Variants in ACSS2 observed in about 807,000 individuals in gnomAD.
ACSS2 encodes the protein acetyl-coenzyme A synthetase, cytoplasmic.
Under a neutral mutation model 90.6 loss-of-function variants are expected in ACSS2, and 58 were observed. The ratio of observed to expected loss-of-function variants is 0.64; its 90% confidence interval spans 0.52 to 0.80. ACSS2 has a LOEUF of 0.80. Among genes scored for constraint, ACSS2 ranks in the 30% least tolerant of loss-of-function variants. The probability of loss-of-function intolerance (pLI) is 0.00; values close to 1 mark genes in which losing one functional copy is unlikely to be tolerated. For synonymous variants in ACSS2, 300 were observed against 330.9 expected (o/e 0.91, Z 1.01); for missense variants, 759 against 912.0 (o/e 0.83, Z 2.16).
chr20:34,885,377 G>A (rs2080166872), intron 2 of ACSS2, among the ~76,000 whole-genome samples: 1 of 152,118 alleles, frequency 6.6e-6, no homozygotes, highest in African/African-American at 2.4e-5. Context: ...AGAATCCTGA[G>A]GCCCTTTCTT....
At chr20:34,923,770 G>A (rs1186767775) in intron 14 of ACSS2, among the ~76,000 whole-genome samples, 1 of 151,912 alleles carries the variant, frequency 6.6e-6, no homozygotes, top group Non-Finnish European at 1.5e-5. Context: ...GTTACTGCAA[G>A]TACAGCACCA....
chr20:34,910,019 ATT>A (rs11482260), intron 2 of ACSS2, among the ~76,000 whole-genome samples: 4 of 138,024 alleles, frequency 2.9e-5, no homozygotes, highest in Non-Finnish European at 3.1e-5. Flanking sequence ...GCCTGGCCAA[ATT>A]TTTTTTTTTT....
chr20:34,899,500 T>C (rs569588134), intron 2 of ACSS2, among the ~76,000 whole-genome samples: 1 of 151,260 alleles, frequency 6.6e-6, no homozygotes, highest in Admixed American at 6.6e-5. Flanking sequence ...CTTTTTTGTT[T>C]TTTTTTGAGA....
chr20:34,891,643 G>A (rs2080338326), intron 2 of ACSS2, among the ~76,000 whole-genome samples: 1 of 152,138 alleles, frequency 6.6e-6, no homozygotes. Context: ...GGAGATACAT[G>A]GGAAATACCT....
At chr20:34,904,235 ATT>A (rs879944965) in intron 2 of ACSS2, among the ~76,000 whole-genome samples, 8 of 145,516 alleles carry the variant, frequency 5.5e-5, no homozygotes, top group African/African-American at 5.0e-5. Context: ...CGCAGGGAGT[ATT>A]TTTTTTTTTT....
At chr20:34,916,172 C>T (rs1307287756) in intron 7 of ACSS2, among the ~76,000 whole-genome samples, 1 of 151,806 alleles carries the variant, frequency 6.6e-6, no homozygotes, top group South Asian at 2.1e-4. Context: ...TACTGCTTTC[C>T]TTTTAAAACT....
intron 2 of ACSS2, among the ~76,000 whole-genome samples, chr20:34,886,686 T>A (rs1052905902): frequency 6.6e-6 from 1 of 152,202 alleles, no homozygotes; most frequent in Non-Finnish European, 1.5e-5. Context: ...TATTTAAGCC[T>A]TTATCATATA....
At chr20:34,903,179 T>A (rs1407758411) in intron 2 of ACSS2, among the ~76,000 whole-genome samples, 1 of 151,878 alleles carries the variant, frequency 6.6e-6, no homozygotes, top group Non-Finnish European at 1.5e-5. Flanking sequence ...TCATCTCTAC[T>A]AAAAATACAA....
upstream of ACSS2, chr20:34,875,198 C>A (rs2079880765): frequency 1.9e-6 from 1 of 533,800 alleles, no homozygotes; most frequent in African/African-American, 1.9e-5. Context: ...TAGAGAGAAG[C>A]TAGAGGTAAT....
intron 2 of ACSS2, among the ~76,000 whole-genome samples, chr20:34,906,078 G>A (rs998156297): frequency 1.3e-5 from 2 of 152,338 alleles, no homozygotes; most frequent in African/African-American, 4.8e-5. Flanking sequence ...GCTCACACCT[G>A]TAATCCCAGC....
intron 2 of ACSS2, among the ~76,000 whole-genome samples, chr20:34,905,904 T>C (rs1034040799): frequency 2.0e-5 from 3 of 152,254 alleles, no homozygotes; most frequent in African/African-American, 7.2e-5. Flanking sequence ...TTGCAGCTCC[T>C]GGTGTAGAGG....
chr20:34,926,325 G>A (rs2081318033), intron 16 of ACSS2, 44 bp downstream of exon 16: 1 of 1,585,860 alleles, frequency 6.3e-7, no homozygotes, highest in Admixed American at 1.8e-5. Context: ...CTGTCTTGGA[G>A]GCCCAGTTAT....
chr20:34,886,956 G>T (rs2146980626), intron 2 of ACSS2, among the ~76,000 whole-genome samples: 1 of 152,326 alleles, frequency 6.6e-6, no homozygotes, highest in African/African-American at 2.4e-5. Context: ...CATACATTGT[G>T]TAGTCATTGA....
intron 7 of ACSS2, among the ~76,000 whole-genome samples, chr20:34,917,964 GC>G (rs2081110839): frequency 6.6e-6 from 1 of 152,040 alleles, no homozygotes; most frequent in African/African-American, 2.4e-5. Context: ...TGTTGGCCAG[GC>G]TGGTCTTGAA....
chr20:34,900,166 C>CTTTTTTTTT (rs34951413), intron 2 of ACSS2, among the ~76,000 whole-genome samples: 2 of 79,214 alleles, frequency 2.5e-5, no homozygotes, highest in African/African-American at 5.0e-5. Flanking sequence ...CATGCCTGAC[C>CTTTTTTTTT]TTTTTTTTTT....
At chr20:34,921,946 C>G (rs1179977258) in intron 13 of ACSS2, 80 bp downstream of exon 13, 4 of 1,537,578 alleles carry the variant, frequency 2.6e-6, no homozygotes, top group Non-Finnish European at 3.5e-6. Context: ...AGTTAATAAC[C>G]TAATCTCTCC....
In ACSS2 at chr20:34,926,060, C is replaced by T. The variant is rs58080219; in HGVS notation, c.1727-45C>T. 6 of 1,603,136 alleles carry T rather than the reference C, an allele frequency of 3.7e-6. No individual in the cohort carries two copies. In the African/African-American group the frequency reaches 4.0e-5, roughly 11 times the overall value. ...GGTACAGATGGAGCATGGGCTGGGG[C>T]AGAGCCTGGGATCTCTCTCATGGCA... On this transcript the variant is annotated intron_variant, in intron 15 of 17. Coordinates refer to ENST00000360596, the MANE Select transcript of ACSS2 (RefSeq NM_018677.4).
chr20:34,920,785 G>A (rs3746450), intron 9 of ACSS2, 76 bp downstream of exon 9: 1 of 1,530,222 alleles, frequency 6.5e-7, no homozygotes, highest in Non-Finnish European at 8.8e-7. Flanking sequence ...AGGCTGCTTG[G>A]TCTAGAGGGA....
intron 8 of ACSS2, among the ~76,000 whole-genome samples, chr20:34,920,050 C>A (rs894711124): frequency 4.6e-5 from 7 of 152,318 alleles, no homozygotes; most frequent in African/African-American, 1.7e-4. Context: ...CTACCTTCTG[C>A]CCACTCCACC....
Sources: allele counts gnomAD v4.1 joint callset (sites outside exome capture counted in the v4.1 genomes callset), GRCh38; gene constraint gnomAD v4.1.1; transcripts MANE v1.5; gene names NCBI Gene and HGNC (gene_info 2026-07-23, HGNC 2026-07-21).